The following KMT5B variants were observed in gnomAD, a reference collection of about 807,000 sequenced individuals.
KMT5B encodes the protein lysine methyltransferase 5B.
Under a neutral mutation model 83.2 loss-of-function variants are expected in KMT5B, and 10 were observed. The observed-to-expected ratio is 0.12, with a 90% CI of 0.07 to 0.20. The LOEUF (loss-of-function observed/expected upper bound fraction) is 0.20, where lower values mean the gene tolerates loss of function less well. Ranked by LOEUF, KMT5B falls within the 10% of genes least tolerant of loss-of-function variation. The pLI, the probability that KMT5B is intolerant of heterozygous loss-of-function variation, is 1.00. For missense variants in KMT5B, 753 were observed against 1,067.2 expected (o/e 0.71, Z 4.10); for synonymous variants, 349 against 388.8 (o/e 0.90, Z 1.20).
At chr11:68,184,422 C>T (rs1156598330) in intron 3 of KMT5B, among the ~76,000 whole-genome samples, 3 of 151,824 alleles carry the variant, frequency 2.0e-5, no homozygotes, top group African/African-American at 7.3e-5. Flanking sequence ...ATATTTTTAC[C>T]TGAATTACTT....
rs1481417852 is a variant in KMT5B, at chr11:68,156,892, C to T, written c.*796G>A. ...AGATAAATGTTGCTTGTTGTCATCA[C>T]GTTGTTCACAGCAAATTTTTGAAAA... is the stretch of plus-strand genomic sequence containing the variant. On this transcript the variant is annotated 3_prime_UTR_variant, in exon 11 of 11. Transcript: ENST00000304363. The T allele has an allele frequency of 6.6e-6, 1 of 152,496 alleles. No individual in the cohort carries two copies. The highest frequency in any genetic ancestry group is 1.9e-4 in the East Asian group (1 of 5,196). 9.4% of individuals were successfully genotyped at this position (152,496 alleles called of 1,614,324 possible).
chr11:68,158,336 A>C lies in KMT5B; in HGVS notation c.2010T>G (p.Pro670=), dbSNP rs761160853. 1.2e-6 allele frequency: 2 copies of C among 1,614,186 alleles called. No individual in the cohort carries two copies. Among genetic ancestry groups the C allele is most frequent in the South Asian group, 1.1e-5 (1 of 91,088 alleles). Residue 670 remains proline (P), a synonymous_variant, in exon 11 of 11, where the codon CCT becomes CCG. Transcript: ENST00000304363. ...TCACAACTGAACAACCGACGGGTGA[A>C]GGAGCACAGTCTGTGTAGCTCACAG... ...GVPVSYTDCA[P]SPVGCSVVTS...
chr11:68,212,138 G>A (rs935580912), intron 1 of KMT5B, among the ~76,000 whole-genome samples: 1 of 152,224 alleles, frequency 6.6e-6, no homozygotes. Context: ...AAAGACTAAA[G>A]GAAAAAAGTT....
chr11:68,191,397 C>T (rs979780649), intron 1 of KMT5B, among the ~76,000 whole-genome samples: 2 of 151,860 alleles, frequency 1.3e-5, no homozygotes, highest in Non-Finnish European at 2.9e-5. Context: ...GCAGTGGTGC[C>T]ATCTCTTCTC....
intron 4 of KMT5B, among the ~76,000 whole-genome samples, chr11:68,175,478 T>A (rs1473196941): frequency 6.6e-6 from 1 of 152,242 alleles, no homozygotes; most frequent in Non-Finnish European, 1.5e-5. Context: ...TTTATTTCAC[T>A]GTTATCTCAT....
rs946971060 is a variant in KMT5B at position 68,178,527 on chromosome 11, TA to T, written c.377+1604del. Among the ~76,000 whole-genome samples the T allele has an allele frequency of 3.2e-3, 488 of 152,304 alleles. 4 individuals are homozygous for T. Among genetic ancestry groups the T allele is most frequent in the African/African-American group, 0.011 (473 of 41,568 alleles). Reference sequence around the variant, plus strand: ...CCAATAGCAAGAACCTCTATTTCACTAAAAATATAAGTTGCTGTCCCAAACC... The same window carrying T: ...CCAATAGCAAGAACCTCTATTTCACTAAAATATAAGTTGCTGTCCCAAACC... On this transcript the variant is annotated intron_variant, in intron 4 of 10. Transcript: ENST00000304363.
chr11:68,169,311 G>A (rs1257214082), intron 9 of KMT5B, among the ~76,000 whole-genome samples: 2 of 152,202 alleles, frequency 1.3e-5, no homozygotes, highest in Non-Finnish European at 2.9e-5. Context: ...TCCTCAGTAT[G>A]TGGTTAGGTG....
chr11:68,186,811 A>T (rs554643961), intron 2 of KMT5B, among the ~76,000 whole-genome samples: 1 of 152,252 alleles, frequency 6.6e-6, no homozygotes, highest in Non-Finnish European at 1.5e-5. Context: ...AACACAGAGT[A>T]AAGTTTAACC....
chr11:68,160,531 G>A (rs1039953565), intron 10 of KMT5B, among the ~76,000 whole-genome samples: 16 of 152,032 alleles, frequency 1.1e-4, no homozygotes, highest in African/African-American at 3.6e-4. Context: ...TCAGCACACT[G>A]CCCAACCAAG....
At chr11:68,208,139 A>G (rs1245164847) in intron 1 of KMT5B, among the ~76,000 whole-genome samples, 6 of 146,428 alleles carry the variant, frequency 4.1e-5, no homozygotes, top group Non-Finnish European at 7.5e-5. Context: ...GCCTGGCCCC[A>G]AACAAATTTT....
At chr11:68,174,767 T>C (rs1054661774) in intron 5 of KMT5B, among the ~76,000 whole-genome samples, 2 of 152,110 alleles carry the variant, frequency 1.3e-5, no homozygotes, top group African/African-American at 4.8e-5. Flanking sequence ...GGTCTCGAAG[T>C]CCTGGCCTCA....
Position 68,211,976 on chromosome 11 carries a change from C to T in KMT5B, c.-77+1162G>A, listed in dbSNP as rs1029572365. Among the ~76,000 whole-genome samples, 181 of 152,268 alleles carry T rather than the reference C, an allele frequency of 1.2e-3. 1 individual carries two copies. The highest frequency in any genetic ancestry group is 3.1e-3 in the African/African-American group (129 of 41,548). On this transcript the variant is annotated intron_variant, in intron 1 of 10. Transcript: ENST00000304363. ...TCAAATTGCTAAACCTTCAGATACA[C>T]AATAAATCTGTATTTACAGCAAGCG...
chr11:68,181,120 G>C (rs2153062537), intron 3 of KMT5B, among the ~76,000 whole-genome samples: 1 of 150,984 alleles, frequency 6.6e-6, no homozygotes, highest in East Asian at 1.9e-4. Context: ...TGTTGCCCAG[G>C]CTGGAGTGCA....
rs74625804 is a variant in KMT5B, at chr11:68,170,160, C to T, written c.977+855G>A. ...GAGAAGTGACACTAATAACTCTGAT[C>T]ATAACTCCAAAAGCAATATGAAGTG... On this transcript the variant is annotated intron_variant, in intron 9 of 10. Transcript: ENST00000304363. 9.7e-3 allele frequency among the ~76,000 whole-genome samples: 1,484 copies of T among 152,322 alleles called. 9 individuals are homozygous for T. The highest frequency in any genetic ancestry group is 0.012 in the Non-Finnish European group (849 of 68,038).
chr11:68,206,414 G>C (rs1478489155), intron 1 of KMT5B, among the ~76,000 whole-genome samples: 1 of 152,208 alleles, frequency 6.6e-6, no homozygotes, highest in Non-Finnish European at 1.5e-5. Context: ...GGACAAGTGT[G>C]AGGAAAAGCT....
At position 68,200,569 on chromosome 11, in the gene KMT5B, C is replaced by G. The variant is rs563071649; in HGVS notation, c.-76-10417G>C. Among the ~76,000 whole-genome samples, 343 of 152,208 alleles carry G rather than the reference C, an allele frequency of 2.3e-3. 1 individual carries two copies. Among genetic ancestry groups the G allele is most frequent in the African/African-American group, 7.5e-3 (313 of 41,514 alleles). ...ATATCAGGAACGAGAGAGAGAGAGA[C>G]TGACTCGCAGGCCAGAAAAGACAAA... is the stretch of plus-strand genomic sequence containing the variant. On this transcript the variant is annotated intron_variant, in intron 1 of 10. Transcript: ENST00000304363.
At chr11:68,186,005 GC>G in intron 2 of KMT5B, 77 bp from the exon 3 acceptor site, 1 of 1,259,290 alleles carries the variant, frequency 7.9e-7, no homozygotes, top group Non-Finnish European at 1.1e-6. Flanking sequence ...TAGCGGCATT[GC>G]CCATTCAAGC....
At chr11:68,159,874 C>T (rs955584482) in intron 10 of KMT5B, among the ~76,000 whole-genome samples, 10 of 152,240 alleles carry the variant, frequency 6.6e-5, no homozygotes, top group East Asian at 1.9e-4. Context: ...CCTTCAGTGA[C>T]GGCCAGATGC....
At chr11:68,175,215 C>G in intron 4 of KMT5B, 32 bp from the exon 5 acceptor site, 1 of 1,579,154 alleles carries the variant, frequency 6.3e-7, no homozygotes. Flanking sequence ...AATGGGTTAT[C>G]TGCCACAATC....
Sources: gnomAD v4.1 joint callset for allele counts (sites outside exome capture counted in the v4.1 genomes callset) on GRCh38, gnomAD v4.1.1 for gene constraint, MANE v1.5 for transcripts, NCBI Gene and HGNC (gene_info 2026-07-23, HGNC 2026-07-21) for gene names.